Variants in COPA observed in about 807,000 individuals in gnomAD.
The protein encoded by COPA is coat protein complex I subunit alpha.
A neutral mutation model predicts 158.7 loss-of-function variants in COPA; 10 were observed. That is an observed-to-expected ratio of 0.06 (90% CI 0.04 to 0.11). The LOEUF (loss-of-function observed/expected upper bound fraction) is 0.11. Ranked by LOEUF, COPA falls within the 10% of genes least tolerant of loss-of-function variation. COPA has a pLI of 1.00. For missense variants in COPA, 1,065 were observed against 1,536.7 expected, an observed-to-expected ratio of 0.69 and a Z score of 5.13; for synonymous variants, 462 against 542.8, an observed-to-expected ratio of 0.85 and a Z score of 2.07.
chr1:160,316,125 C>T (rs767397454), intron 8 of COPA, among the ~76,000 whole-genome samples: 18 of 151,868 alleles, frequency 1.2e-4, no homozygotes, highest in Non-Finnish European at 2.1e-4. Context: ...TTTGGGAGGC[C>T]GAGGTGGGTG....
intron 28 of COPA, 72 bp from the exon 29 acceptor site, chr1:160,292,270 A>G (rs1658265281): frequency 6.4e-7 from 1 of 1,571,858 alleles, no homozygotes; most frequent in Non-Finnish European, 8.6e-7. Flanking sequence ...TTTTCTGGCA[A>G]ACATCCTCAT....
chr1:160,303,810 A>G (rs1658694002), intron 17 of COPA, among the ~76,000 whole-genome samples: 2 of 152,214 alleles, frequency 1.3e-5, no homozygotes, highest in South Asian at 4.1e-4. Flanking sequence ...GACATGCAAA[A>G]AAGAAAGATA....
intron 12 of COPA, 34 bp from the exon 13 acceptor site, chr1:160,309,210 G>A: frequency 2.6e-6 from 4 of 1,515,792 alleles, no homozygotes; most frequent in Non-Finnish European, 3.7e-6. Context: ...AAATGTTAGT[G>A]AGAAGCACCC....
chr1:160,319,594 C>T (rs1270649522), intron 8 of COPA, among the ~76,000 whole-genome samples: 1 of 150,620 alleles, frequency 6.6e-6, no homozygotes, highest in Admixed American at 6.7e-5. Context: ...TTTTCATCAG[C>T]ACATGGAACA....
chr1:160,295,005 G>T, intron 23 of COPA, 148 bp from the exon 24 acceptor site: 1 of 643,300 alleles, frequency 1.6e-6, no homozygotes, highest in Non-Finnish European at 2.7e-6. Flanking sequence ...TTATTTTTGT[G>T]GTATATATGT....
chr1:160,310,246 A>G lies in COPA; in HGVS notation c.1089T>C (p.Phe363=), dbSNP rs1571162272. 2 of 1,602,440 alleles carry G rather than the reference A, an allele frequency of 1.2e-6. No homozygotes were observed. Among genetic ancestry groups the G allele is most frequent in the Non-Finnish European group, 1.7e-6 (2 of 1,173,666 alleles). ...GATTGTATGACATATTGAATACTGG[A>G]AACTTGGAACCACTAGAGATATATA... ...AVMQLRSGSK[F]PVFNMSYNPA... The change falls in exon 12 of 33, where the codon TTT becomes TTC. Residue 363 remains phenylalanine, a synonymous_variant. Coordinates refer to ENST00000241704, the MANE Select transcript of COPA (RefSeq NM_004371.4).
At position 160,292,031 on chromosome 1, in the gene COPA, T is replaced by C; in HGVS notation, c.3128A>G (p.Asn1043Ser). 9 of 1,614,222 alleles carry C rather than the reference T, an allele frequency of 5.6e-6. No individual in the cohort carries two copies. Among genetic ancestry groups the C allele is most frequent in the Middle Eastern group, 1.6e-4 (1 of 6,062 alleles). ...LLSVPLLVVD[N>S]KQEIAEAQQL... ...TCCTACCTCTGCAATCTCTTGTTTA[T>C]TGTCCACAACAAGAAGTGGCACACT... Residue 1043 changes from asparagine to serine, a missense_variant, in exon 29 of 33, where the codon AAT becomes AGT. Physicochemically the swap from Asn to Ser is conservative, Grantham distance 46 (BLOSUM62 1). Coordinates refer to ENST00000241704, the MANE Select transcript of COPA (RefSeq NM_004371.4).
rs1435780462 is a variant in COPA at position 160,308,340 on chromosome 1, G to A, written c.1219+761C>T. 2.6e-5 allele frequency among the ~76,000 whole-genome samples: 4 copies of A among 152,182 alleles called. No homozygotes were observed. In the East Asian group the frequency reaches 5.8e-4, roughly 22 times the overall value. On this transcript the variant is annotated intron_variant, in intron 13 of 32. Coordinates refer to ENST00000241704, the MANE Select transcript of COPA (RefSeq NM_004371.4). ...GAACACATTTAAAAGAGAGGAGATC[G>A]ATTAGCAACAATAATAACCCAGGGG...
Position 160,289,996 on chromosome 1 carries a change from C to A in COPA, c.*161G>T. On this transcript the variant is annotated 3_prime_UTR_variant, in exon 33 of 33. Coordinates refer to ENST00000241704, the MANE Select transcript of COPA (RefSeq NM_004371.4). The stretch of plus-strand genomic sequence containing the variant: ...AGACCTCAAAAAAGTCAAGTTTAGA[C>A]CTTCGGATTTTCCATAGAAGAGAAA... 1 of 693,754 alleles carries A rather than the reference C, an allele frequency of 1.4e-6. No individual in the cohort carries two copies. Among genetic ancestry groups the A allele is most frequent in the Non-Finnish European group, 2.5e-6 (1 of 403,460 alleles). The allele number at this position is 693,754 out of a possible 1,614,324, so 43.0% of individuals were successfully genotyped here. A position where few individuals can be genotyped will look rare whatever the true frequency, so the allele number is the denominator to read the frequency against.
At chr1:160,291,637 G>A (rs1658235903) in intron 30 of COPA, 141 bp from the exon 31 acceptor site, 1 of 1,154,074 alleles carries the variant, frequency 8.7e-7, no homozygotes, top group East Asian at 2.4e-5. Context: ...TACCTCCTAG[G>A]TATGGAGGAC....
chr1:160,339,717 C>A, intron 3 of COPA, 192 bp downstream of exon 3: 3 of 500,058 alleles, frequency 6.0e-6, no homozygotes, highest in East Asian at 3.2e-5. Context: ...TTTTGAATTC[C>A]CTAAAAAGAA....
rs913037992 is a variant in COPA at position 160,296,083 on chromosome 1, G to A, written c.2330C>T (p.Thr777Ile). 6.2e-7 allele frequency: 1 copy of A among 1,614,130 alleles called. No individual in the cohort carries two copies. The highest frequency in any genetic ancestry group is 8.5e-7 in the Non-Finnish European group (1 of 1,179,986). ...LDEEAESLKE[T>I]FDPEKETIPD... ...CACTGTCTCCTTCTCTGGGTCAAATGTCTCCTTTAGGCTCTCAGCTTCTTC... is the reference window on the plus strand; with the variant it reads ...CACTGTCTCCTTCTCTGGGTCAAATATCTCCTTTAGGCTCTCAGCTTCTTC... The change falls in exon 22 of 33, where the codon ACA (threonine) becomes ATA (isoleucine). Residue 777 changes from threonine (T) to isoleucine (I), a missense_variant. By Grantham distance (89) the Thr-to-Ile change is moderately conservative (BLOSUM62 -1). Around this residue, in one of 2 missense-constraint regions of COPA, gnomAD observed 980 missense variants for 1,357.8 expected, o/e 0.72. Coordinates refer to ENST00000241704, the MANE Select transcript of COPA (RefSeq NM_004371.4).
chr1:160,333,965 ATGTGTGTGTG>A (rs59237821), intron 4 of COPA, among the ~76,000 whole-genome samples: 2 of 150,984 alleles, frequency 1.3e-5, no homozygotes, highest in Non-Finnish European at 3.0e-5. Flanking sequence ...TTACTTCTAT[ATGTGTGTGTG>A]TGTGTGTGTG....
chr1:160,297,790 G>A, intron 19 of COPA, 45 bp from the exon 20 acceptor site: 4 of 1,587,002 alleles, frequency 2.5e-6, no homozygotes, highest in Non-Finnish European at 3.4e-6. Flanking sequence ...AGGACAATGT[G>A]ACTCAAAACC....
chr1:160,333,703 CT>C (rs1178589633), intron 4 of COPA, 24 bp from the exon 5 acceptor site: 1 of 1,576,108 alleles, frequency 6.3e-7, no homozygotes, highest in Non-Finnish European at 8.7e-7. Context: ...CAGACAAAGG[CT>C]TTAAACATTA....
At position 160,307,066 on chromosome 1, in the gene COPA, G is replaced by A. The variant is rs923701973; in HGVS notation, c.1302+97C>T. 23 of 1,200,302 alleles carry A rather than the reference G, an allele frequency of 1.9e-5. No individual in the cohort carries two copies. The East Asian group carries it at 3.5e-4, about 18-fold the overall frequency. 74.4% of individuals were successfully genotyped at this position (1,200,302 alleles called of 1,614,324 possible). A position where few individuals can be genotyped will look rare whatever the true frequency, so the allele number is the denominator to read the frequency against. On this transcript the variant is annotated intron_variant, in intron 14 of 32. Transcript: ENST00000241704. ...CAATACATGAGAATCACGGCTGCCC[G>A]GGGGAGAACAGAAAAAACAATGGTC...
At chr1:160,325,818 A>G (rs146976794) in intron 6 of COPA, among the ~76,000 whole-genome samples, 166 bp from the exon 7 acceptor site, 93 of 152,382 alleles carry the variant, frequency 6.1e-4, no homozygotes, top group African/African-American at 2.0e-3. Flanking sequence ...AATGTTCAAA[A>G]TATTGAAGTA....
chr1:160,332,042 T>C (rs1054294514), intron 6 of COPA, among the ~76,000 whole-genome samples: 5 of 152,192 alleles, frequency 3.3e-5, no homozygotes, highest in Non-Finnish European at 5.9e-5. Flanking sequence ...AGAGAGATTT[T>C]ACTATTTTTA....
chr1:160,306,852 CAGA>C (rs1361584537), intron 14 of COPA, among the ~76,000 whole-genome samples: 2 of 152,192 alleles, frequency 1.3e-5, no homozygotes, highest in East Asian at 1.9e-4. Flanking sequence ...ATGGAGGCAG[CAGA>C]AGGAGGGAAA....
Sources: allele counts gnomAD v4.1 joint callset (sites outside exome capture counted in the v4.1 genomes callset), GRCh38; gene constraint gnomAD v4.1.1; regional missense constraint gnomAD v4.1.1; transcripts MANE v1.5; gene names NCBI Gene and HGNC (gene_info 2026-07-23, HGNC 2026-07-21).